The following PLCB3 variants were observed in gnomAD, a reference collection of about 807,000 sequenced individuals.
PLCB3 encodes the protein 1-phosphatidylinositol 4,5-bisphosphate phosphodiesterase beta-3.
In PLCB3, 54 loss-of-function variants were observed where a neutral mutation model predicts 152.1. The ratio of observed to expected loss-of-function variants is 0.36; its 90% CI spans 0.29 to 0.45. The LOEUF (loss-of-function observed/expected upper bound fraction) is 0.45, where lower values mean the gene tolerates loss of function less well. PLCB3 is among the 20% of genes least tolerant of loss of function. PLCB3 has a pLI of 1.00. For missense variants in PLCB3, 1,248 were observed against 1,687.5 expected (o/e 0.74, Z 4.56); for synonymous variants, 717 against 698.7 (o/e 1.03, Z -0.41).
chr11:64,267,502 C>T lies in PLCB3; in HGVS notation c.3651C>T (p.Ser1217=), dbSNP rs766448753. The T allele has an allele frequency of 1.3e-5, 20 of 1,570,178 alleles. No individual in the cohort carries two copies. Among genetic ancestry groups the T allele is most frequent in the South Asian group, 3.5e-5 (3 of 86,256 alleles). The change falls in exon 31 of 31, where the codon AGC becomes AGT. Residue 1217 remains serine (S), a synonymous_variant. Transcript: ENST00000279230. The surrounding 1 kb of genome is among the most constrained non-coding windows in gnomAD (Gnocchi z 5.2). ...CASNGHAPGS[S]GHLSGADSES... is the part of the protein sequence containing the mutation. ...GCAACGGTCACGCACCCGGGAGCAGCGGGCACCTGTCGGGCGCTGACTCGG... is the reference window on the plus strand; with the variant it reads ...GCAACGGTCACGCACCCGGGAGCAGTGGGCACCTGTCGGGCGCTGACTCGG...
chr11:64,253,923 C>T (rs1269906552), intron 1 of PLCB3, among the ~76,000 whole-genome samples: 1 of 152,126 alleles, frequency 6.6e-6, no homozygotes, highest in Non-Finnish European at 1.5e-5. Flanking sequence ...ATCGTGATGT[C>T]CCAAGGGATG....
At chr11:64,262,913 G>T in intron 19 of PLCB3, 105 bp downstream of exon 19, 2 of 1,222,490 alleles carry the variant, frequency 1.6e-6, no homozygotes, top group East Asian at 2.4e-5. Context: ...GGCGACTGGG[G>T]ATCAGAAAGT....
chr11:64,255,865 T>C lies in PLCB3; in HGVS notation c.698+44T>C, dbSNP rs756860650. On this transcript the variant is annotated intron_variant, in intron 8 of 30. Transcript: ENST00000279230. This position sits in a 1 kb window ranked among gnomAD's most constrained non-coding sequence, Gnocchi z 6.8. ...CCTCACAACCCCTGTGCTCTGTGTT[T>C]AGCTTCTGCTTAGCGTGCCTCTAGC... 1 of 1,396,724 alleles carries C rather than the reference T, an allele frequency of 7.2e-7. No individual in the cohort carries two copies. The highest frequency in any genetic ancestry group is 1.7e-5 in the Admixed American group (1 of 59,750). The allele number at this position is 1,396,724 out of a possible 1,614,324, so 86.5% of individuals were successfully genotyped here. A position where few individuals can be genotyped will look rare whatever the true frequency, so the allele number is the denominator to read the frequency against.
At chr11:64,262,353 T>C in intron 17 of PLCB3, 54 bp from the exon 18 acceptor site, 1 of 1,591,058 alleles carries the variant, frequency 6.3e-7, no homozygotes, top group Non-Finnish European at 8.6e-7. Flanking sequence ...ATTCCCCACA[T>C]GGCACCGTCC....
At chr11:64,260,832 G>C (rs921418559) in intron 14 of PLCB3, among the ~76,000 whole-genome samples, 13 of 147,606 alleles carry the variant, frequency 8.8e-5, no homozygotes, top group African/African-American at 3.2e-4. Context: ...GGAGCAATTA[G>C]TGAAATTTAA....
intron 19 of PLCB3, 108 bp downstream of exon 19, chr11:64,262,916 C>G: frequency 8.4e-7 from 1 of 1,185,590 alleles, no homozygotes; most frequent in East Asian, 2.4e-5. Context: ...GACTGGGGAT[C>G]AGAAAGTGGG....
chr11:64,259,339 C>A, intron 13 of PLCB3, 95 bp downstream of exon 13: 1 of 1,052,610 alleles, frequency 9.5e-7, no homozygotes, highest in East Asian at 2.6e-5. Flanking sequence ...CCCCAGCCCA[C>A]CCTCCTGCCT....
chr11:64,255,180 G>A lies in PLCB3; in HGVS notation c.388-54G>A. 3 of 1,539,210 alleles carry A rather than the reference G, an allele frequency of 1.9e-6. No individual in the cohort carries two copies. Among genetic ancestry groups the A allele is most frequent in the Non-Finnish European group, 2.7e-6 (3 of 1,114,268 alleles). The stretch of plus-strand genomic sequence containing the variant: ...GCAGTTGTGGACCTGGGTTGTGGCT[G>A]GGCAGCCCCTGTGTCCCCCACTCAC... On this transcript the variant is annotated intron_variant, in intron 4 of 30. Coordinates refer to ENST00000279230, the MANE Select transcript of PLCB3 (RefSeq NM_000932.5). This position sits in a 1 kb window ranked among gnomAD's most constrained non-coding sequence, Gnocchi z 6.8.
chr11:64,254,720 A>G (rs779480410), intron 2 of PLCB3, 28 bp from the exon 3 acceptor site: 2 of 1,609,166 alleles, frequency 1.2e-6, no homozygotes, highest in South Asian at 1.1e-5. Flanking sequence ...AGCCTCTCAT[A>G]CTCAGCCTGG....
At chr11:64,263,159 G>A (rs1015083586) in intron 19 of PLCB3, among the ~76,000 whole-genome samples, 8 of 152,190 alleles carry the variant, frequency 5.3e-5, no homozygotes, top group African/African-American at 1.9e-4. Flanking sequence ...GCATGGACGC[G>A]GCCTCTGCTC....
At chr11:64,259,334 G>T (rs879267669) in intron 13 of PLCB3, 90 bp downstream of exon 13, 5 of 1,094,456 alleles carry the variant, frequency 4.6e-6, no homozygotes, top group Non-Finnish European at 6.3e-6. Flanking sequence ...CAGACCCCCA[G>T]CCCACCCTCC....
intron 8 of PLCB3, 119 bp from the exon 9 acceptor site, chr11:64,256,257 C>T (rs1049107067): frequency 2.8e-5 from 24 of 843,198 alleles, no homozygotes; most frequent in Non-Finnish European, 4.1e-5. Context: ...CAGAGTCCCA[C>T]TCACTGGGTG....
Position 64,266,326 on chromosome 11 carries a change from A to G in PLCB3, c.3278A>G (p.Glu1093Gly), listed in dbSNP as rs763710295. ...GCCGGCTTCTCCAGGGAGAAGAAGGAGCTGCAGAAGATCCTGGACAGAAAG... is the reference window on the plus strand; with the variant it reads ...GCCGGCTTCTCCAGGGAGAAGAAGGGGCTGCAGAAGATCCTGGACAGAAAG... ...LKEMNEREKK[E>G]LQKILDRKRH... The change falls in exon 28 of 31, where the codon GAG (glutamate) becomes GGG (glycine). Residue 1093 changes from glutamate to glycine, a missense_variant. By Grantham distance (98) the Glu-to-Gly change is moderately conservative. This residue lies in a region of PLCB3 where 477 missense variants were observed against 489.6 expected (regional missense o/e 0.97). Coordinates refer to ENST00000279230, the MANE Select transcript of PLCB3 (RefSeq NM_000932.5). The surrounding 1 kb of genome is among the most constrained non-coding windows in gnomAD (Gnocchi z 4.9). 1.2e-6 allele frequency: 2 copies of G among 1,612,656 alleles called. No individual in the cohort carries two copies. Among genetic ancestry groups the G allele is most frequent in the Non-Finnish European group, 8.5e-7 (1 of 1,179,758 alleles).
chr11:64,262,977 C>T (rs78019513), intron 19 of PLCB3, among the ~76,000 whole-genome samples, 169 bp downstream of exon 19: 1,560 of 152,298 alleles, frequency 0.01, 22 homozygotes, highest in African/African-American at 0.036. Context: ...AGTCTCCCTG[C>T]CCTCCTTAGG....
In PLCB3 at chr11:64,255,648, G is replaced by A. The variant is rs924413029; in HGVS notation, c.597+32G>A. 1 of 1,603,392 alleles carries A rather than the reference G, an allele frequency of 6.2e-7. No homozygotes were observed. Among genetic ancestry groups the A allele is most frequent in the Admixed American group, 1.7e-5 (1 of 59,974 alleles). On this transcript the variant is annotated intron_variant, in intron 7 of 30. Transcript: ENST00000279230. This position sits in a 1 kb window ranked among gnomAD's most constrained non-coding sequence, Gnocchi z 6.8. ...GGGGTGGGGACAGGGGCGGGGTGGG[G>A]TGTCACGGTGGGCACCCACCCTTAC... is the stretch of plus-strand genomic sequence containing the variant.
Position 64,254,999 on chromosome 11 carries a change from G to A in PLCB3, c.348G>A (p.Val116=). The A allele has an allele frequency of 1.3e-6, 2 of 1,579,004 alleles. No individual in the cohort carries two copies. The highest frequency in any genetic ancestry group is 1.7e-6 in the Non-Finnish European group (2 of 1,160,308). ...VVSGPDPVNT[V]FLNFMAVQDD... is the part of the protein sequence containing the mutation. ...CTGGGCCAGACCCAGTGAACACAGT[G>A]TTCTTGAACTTCATGGCCGTGCAGG... Residue 116 remains valine, a synonymous_variant, in exon 4 of 31, where the codon GTG becomes GTA. Coordinates refer to ENST00000279230, the MANE Select transcript of PLCB3 (RefSeq NM_000932.5).
chr11:64,265,804 C>T, intron 25 of PLCB3, 82 bp from the exon 26 acceptor site: 1 of 1,502,956 alleles, frequency 6.7e-7, no homozygotes, highest in Non-Finnish European at 9.0e-7. Flanking sequence ...CATCGCTTGC[C>T]AGGATGTGCC....
chr11:64,266,486 C>T lies in PLCB3; in HGVS notation c.3357-9C>T, dbSNP rs1196785702. Reference sequence around the variant, plus strand: ...GGGCCCCGAGCCATCCTGCGTTGCTCCCGTGCAGGGAACTGACGGAGATTA... The same window carrying T: ...GGGCCCCGAGCCATCCTGCGTTGCTTCCGTGCAGGGAACTGACGGAGATTA... On this transcript the variant is annotated splice_polypyrimidine_tract_variant and intron_variant, in intron 28 of 30. Transcript: ENST00000279230. This position sits in a 1 kb window ranked among gnomAD's most constrained non-coding sequence, Gnocchi z 4.9. The T allele has an allele frequency of 6.2e-7, 1 of 1,613,544 alleles. No homozygotes were observed. The highest frequency in any genetic ancestry group is 1.7e-5 in the Admixed American group (1 of 59,998).
intron 10 of PLCB3, among the ~76,000 whole-genome samples, chr11:64,256,997 CTTTTTTTTTTTTT>C (rs5792316): frequency 1.1e-4 from 7 of 61,588 alleles, no homozygotes; most frequent in Non-Finnish European, 2.0e-4. Context: ...CTTCAGGGTC[CTTTTTTTTTTTTT>C]TTTTTTTTTT....
Sources: allele counts gnomAD v4.1 joint callset (sites outside exome capture counted in the v4.1 genomes callset), GRCh38; gene constraint gnomAD v4.1.1; regional missense constraint gnomAD v4.1.1; non-coding constraint Gnocchi (gnomAD v3.1); transcripts MANE v1.5; gene names NCBI Gene and HGNC (gene_info 2026-07-23, HGNC 2026-07-21).